The following SPRY3 variants were observed in gnomAD, a reference collection of about 807,000 sequenced individuals.
SPRY3 encodes the protein sprouty RTK signaling antagonist 3.
A neutral mutation model predicts 20.2 loss-of-function variants in SPRY3; 15 were observed. The ratio of observed to expected loss-of-function variants is 0.74; its 90% CI spans 0.50 to 1.14. The LOEUF (loss-of-function observed/expected upper bound fraction) is 1.14. Ranked by LOEUF, SPRY3 falls within the 50% of genes most tolerant of loss-of-function variation. The pLI is 0.00. For missense variants in SPRY3, 364 were observed against 363.9 expected, an observed-to-expected ratio of 1.00 and a Z score of 0.00; for synonymous variants, 143 against 136.5, an observed-to-expected ratio of 1.05 and a Z score of -0.33.
chrX:155,743,627 C>G (rs549152221), intron 2 of SPRY3, among the ~76,000 whole-genome samples: 2 of 151,996 alleles, frequency 1.3e-5, no homozygotes, highest in Non-Finnish European at 2.9e-5. Context: ...AGAAAGTTAT[C>G]GAGAACCTTT....
chrX:155,703,563 C>A (rs1331788676), intron 2 of SPRY3, among the ~76,000 whole-genome samples: 1 of 110,812 alleles, frequency 9.0e-6, no homozygotes, highest in African/African-American at 3.7e-5. Context: ...TTTCAAAAAA[C>A]CAGCTCCTGG....
chrX:155,634,092 T>A (rs1461968394), intron 1 of SPRY3, among the ~76,000 whole-genome samples: 1 of 108,217 alleles, frequency 9.2e-6, no homozygotes, highest in African/African-American at 3.4e-5. Context: ...AAAAAAAAAA[T>A]CAGAATCTAT....
intron 1 of SPRY3, among the ~76,000 whole-genome samples, chrX:155,632,445 C>T (rs1377257636): frequency 9.0e-6 from 1 of 111,546 alleles, no homozygotes; most frequent in East Asian, 2.8e-4. Context: ...TTCTGCTGTC[C>T]TGTGCCAGGC....
At chrX:155,726,325 T>G (rs1002316180) in intron 2 of SPRY3, among the ~76,000 whole-genome samples, 8 of 152,190 alleles carry the variant, frequency 5.3e-5, no homozygotes, top group Admixed American at 3.3e-4. Flanking sequence ...TCTGTAGATG[T>G]CTATTACATC....
At chrX:155,709,441 C>G (rs982002081) in intron 2 of SPRY3, among the ~76,000 whole-genome samples, 1 of 151,616 alleles carries the variant, frequency 6.6e-6, no homozygotes, top group Non-Finnish European at 1.5e-5. Flanking sequence ...TTTTCATATT[C>G]CTGTTTGCAT....
At chrX:155,767,733 G>GAAA (rs2091346789) in intron 2 of SPRY3, 1 of 67,284 alleles carries the variant, frequency 1.5e-5, no homozygotes, top group African/African-American at 4.1e-5. Flanking sequence ...AGGAGGAGGA[G>GAAA]GAGAGAGAGG....
chrX:155,766,171 A>G (rs976906327), intron 2 of SPRY3, among the ~76,000 whole-genome samples: 4 of 152,162 alleles, frequency 2.6e-5, no homozygotes, highest in Non-Finnish European at 5.9e-5. Flanking sequence ...ACATATACCT[A>G]CATACATGTC....
At chrX:155,695,244 A>G (rs1261147663) in intron 2 of SPRY3, among the ~76,000 whole-genome samples, 1 of 111,244 alleles carries the variant, frequency 9.0e-6, no homozygotes, top group Non-Finnish European at 1.9e-5. Flanking sequence ...TATTTTCACA[A>G]TTTATAAAAC....
intron 2 of SPRY3, among the ~76,000 whole-genome samples, chrX:155,714,160 T>A (rs2091005676): frequency 6.6e-6 from 1 of 152,222 alleles, no homozygotes; most frequent in Non-Finnish European, 1.5e-5. Flanking sequence ...ATTCTCTGTC[T>A]GAAAGGCCAG....
At chrX:155,613,586 C>T (rs2067839249) in intron 1 of SPRY3, among the ~76,000 whole-genome samples, 1 of 111,960 alleles carries the variant, frequency 8.9e-6, no homozygotes, top group Admixed American at 9.4e-5. Flanking sequence ...AAGTGTTAAT[C>T]TAATGTCAAA....
chrX:155,716,501 T>C (rs1443865776), intron 2 of SPRY3, among the ~76,000 whole-genome samples: 1 of 152,122 alleles, frequency 6.6e-6, no homozygotes, highest in Non-Finnish European at 1.5e-5. Context: ...TTCCCACACA[T>C]CTCTTAATTT....
intron 1 of SPRY3, among the ~76,000 whole-genome samples, chrX:155,630,621 AATAT>A (rs2067903021): frequency 9.0e-6 from 1 of 111,038 alleles, no homozygotes; most frequent in South Asian, 3.8e-4. Flanking sequence ...TCCCTTATAT[AATAT>A]TTGCTTTATT....
At chrX:155,716,822 T>C (rs1311364873) in intron 2 of SPRY3, among the ~76,000 whole-genome samples, 2 of 151,384 alleles carry the variant, frequency 1.3e-5, no homozygotes, top group Non-Finnish European at 2.9e-5. Context: ...TCTTCCACTC[T>C]CTTTCAATGT....
chrX:155,646,728 T>C (rs2067958975), intron 1 of SPRY3, among the ~76,000 whole-genome samples: 1 of 111,817 alleles, frequency 8.9e-6, no homozygotes, highest in Non-Finnish European at 1.9e-5. Flanking sequence ...TGTAATCTGC[T>C]AACAGGAATA....
chrX:155,706,521 A>G (rs1291385947), intron 2 of SPRY3, among the ~76,000 whole-genome samples: 4 of 150,988 alleles, frequency 2.6e-5, no homozygotes, highest in Non-Finnish European at 5.9e-5. Flanking sequence ...AAAGTTTAAA[A>G]GAGAAAATTA....
At position 155,773,662 on chromosome X, in the gene SPRY3, T is replaced by C. The variant is rs149022172; in HGVS notation, c.-106-104T>C. On this transcript the variant is annotated intron_variant, in intron 3 of 3. Transcript: ENST00000675360. Reference sequence around the variant, plus strand: ...GTGTAGCATGAAGATTACTGTAAAGTAATTGAAGGTAGTGGTGGTGATAGG... The same window carrying C: ...GTGTAGCATGAAGATTACTGTAAAGCAATTGAAGGTAGTGGTGGTGATAGG... The C allele has an allele frequency of 1.7e-3, 1,010 of 602,492 alleles. 9 individuals carry two copies. The African/African-American group carries it at 0.017, about 10-fold the overall frequency. 37.3% of individuals were successfully genotyped at this position (602,492 alleles called of 1,614,324 possible).
At chrX:155,768,406 T>G (rs948928991) in intron 3 of SPRY3, among the ~76,000 whole-genome samples, 2 of 152,194 alleles carry the variant, frequency 1.3e-5, no homozygotes, top group Non-Finnish European at 2.9e-5. Context: ...AATGTCAATT[T>G]AATTTCTAGC....
chrX:155,652,306 A>C (rs1199682503), intron 1 of SPRY3, among the ~76,000 whole-genome samples: 2 of 111,599 alleles, frequency 1.8e-5, no homozygotes, highest in South Asian at 7.5e-4. Flanking sequence ...CTATAGTCAC[A>C]CTGTTGTGCT....
At chrX:155,677,295 G>T (rs2068061349) in intron 2 of SPRY3, among the ~76,000 whole-genome samples, 1 of 111,761 alleles carries the variant, frequency 8.9e-6, no homozygotes, top group African/African-American at 3.2e-5. Context: ...TGTTCTGGGA[G>T]ATGGGAATCA....
Sources: allele counts gnomAD v4.1 joint callset (sites outside exome capture counted in the v4.1 genomes callset), GRCh38; gene constraint gnomAD v4.1.1; transcripts MANE v1.5; gene names NCBI Gene and HGNC (gene_info 2026-07-23, HGNC 2026-07-21).